Variants in COL18A1 observed in about 807,000 individuals in gnomAD.
COL18A1 encodes collagen type XVIII alpha 1 chain.
A neutral mutation model predicts 168.0 loss-of-function variants in COL18A1; 133 were observed. The ratio of observed to expected loss-of-function variants is 0.79; its 90% CI spans 0.69 to 0.91. COL18A1 has a LOEUF of 0.91. COL18A1 is among the 40% of genes least tolerant of loss of function. The pLI is 0.00. For missense variants in COL18A1, 2,126 were observed against 1,925.4 expected, an observed-to-expected ratio of 1.10 and a Z score of -1.95; for synonymous variants, 949 against 809.0, an observed-to-expected ratio of 1.17 and a Z score of -2.94.
At chr21:45,464,660 G>C (rs2035143528) in intron 2 of COL18A1, among the ~76,000 whole-genome samples, 1 of 152,194 alleles carries the variant, frequency 6.6e-6, no homozygotes, top group Non-Finnish European at 1.5e-5. Flanking sequence ...CTCTGGAGGA[G>C]AATCTGTTTT....
intron 2 of COL18A1, among the ~76,000 whole-genome samples, chr21:45,458,594 T>C (rs1911460479): frequency 6.6e-6 from 1 of 152,158 alleles, no homozygotes; most frequent in South Asian, 2.1e-4. Context: ...ACCTGGCTAC[T>C]GTTCCCCACC....
rs2035088703 is a variant in COL18A1 at position 45,462,834 on chromosome 21, G to A, written c.107-5408G>A. On this transcript the variant is annotated intron_variant, in intron 2 of 41. Coordinates refer to ENST00000651438, the MANE Select transcript of COL18A1 (RefSeq NM_001379500.1). ...GTGCCTTGTGATTTTGTGTTAAAAA[G>A]TGAACATTTGAACTCAGTAATGTGG... Among the ~76,000 whole-genome samples the A allele has an allele frequency of 2.6e-5, 4 of 152,248 alleles. No homozygotes were observed. In the South Asian group the frequency reaches 8.3e-4, roughly 32 times the overall value.
rs2236451 is a variant in COL18A1, at chr21:45,456,169, A to G, written c.107-12073A>G. The stretch of plus-strand genomic sequence containing the variant: ...TCACGGGGCCCTCAGTGCCACCACC[A>G]TCTTCAGGTAGAGCTTCTCTCTCCT... On this transcript the variant is annotated intron_variant, in intron 2 of 41. Transcript: ENST00000651438. The G allele has an allele frequency of 0.34, 538,331 of 1,590,346 alleles. 93,578 individuals carry two copies. Among genetic ancestry groups the G allele is most frequent in the African/African-American group, 0.54 (40,092 of 74,502 alleles).
chr21:45,464,403 G>A (rs960201640), intron 2 of COL18A1, among the ~76,000 whole-genome samples: 2 of 152,230 alleles, frequency 1.3e-5, no homozygotes, highest in Non-Finnish European at 2.9e-5. Flanking sequence ...GTGGAACAGA[G>A]CTCCTGAGTC....
intron 15 of COL18A1, among the ~76,000 whole-genome samples, chr21:45,486,654 T>C (rs1381904142): frequency 1.3e-5 from 2 of 152,228 alleles, no homozygotes; most frequent in African/African-American, 4.8e-5. Flanking sequence ...TCCGTGGCTC[T>C]CTCCTCAGTT....
Position 45,457,861 on chromosome 21 carries a change from T to TG in COL18A1, c.107-10376dup, listed in dbSNP as rs888750925. Among the ~76,000 whole-genome samples the TG allele has an allele frequency of 2.6e-5, 4 of 151,564 alleles. No individual in the cohort carries two copies. Among genetic ancestry groups the TG allele is most frequent in the African/African-American group, 9.7e-5 (4 of 41,200 alleles). On this transcript the variant is annotated intron_variant, in intron 2 of 41. Coordinates refer to ENST00000651438, the MANE Select transcript of COL18A1 (RefSeq NM_001379500.1). The surrounding 1 kb of genome is among the most constrained non-coding windows in gnomAD (Gnocchi z 4.6). The stretch of plus-strand genomic sequence containing the variant: ...TTAGCAGCTGTGCCGGACCTGGAGG[T>TG]GGGGGTGCCTGCAGTGGAAATTCTG...
At chr21:45,495,003 G>A (rs984765328) in intron 28 of COL18A1, 88 bp downstream of exon 28, 3 of 1,216,108 alleles carry the variant, frequency 2.5e-6, no homozygotes, top group Non-Finnish European at 3.6e-6. Flanking sequence ...CATGCCCAGA[G>A]GGGAGTGGAC....
chr21:45,470,481 G>GT (rs1260989970), intron 3 of COL18A1, among the ~76,000 whole-genome samples: 2,161 of 77,636 alleles, frequency 0.028, 39 homozygotes, highest in South Asian at 0.091. Context: ...TTTTTTGTGG[G>GT]TTTTTTTTTT....
intron 2 of COL18A1, among the ~76,000 whole-genome samples, chr21:45,413,705 C>T (rs2033364306): frequency 6.6e-6 from 1 of 152,212 alleles, no homozygotes; most frequent in African/African-American, 2.4e-5. Context: ...GTCCCTCTGC[C>T]AGCCCTGCAC....
intron 2 of COL18A1, chr21:45,456,359 G>A (rs2145854015): frequency 6.5e-7 from 1 of 1,550,018 alleles, no homozygotes; most frequent in Non-Finnish European, 8.7e-7. Flanking sequence ...CAAGCACGCG[G>A]CCCCCTCCGC....
chr21:45,480,048 T>G (rs770345581), intron 10 of COL18A1, 22 bp from the exon 11 acceptor site: 2 of 1,611,154 alleles, frequency 1.2e-6, no homozygotes, highest in Non-Finnish European at 8.5e-7. Context: ...CAGGGTATGA[T>G]AGGCTTGTCT....
chr21:45,472,020 G>A (rs1037788809), intron 3 of COL18A1, among the ~76,000 whole-genome samples: 3 of 152,116 alleles, frequency 2.0e-5, no homozygotes, highest in South Asian at 4.1e-4. Flanking sequence ...CTGTAGCCCC[G>A]TGCAGGAGGC....
chr21:45,477,292 T>C (rs1300574538), intron 6 of COL18A1, 119 bp from the exon 7 acceptor site: 9 of 753,998 alleles, frequency 1.2e-5, no homozygotes, highest in Non-Finnish European at 2.1e-5. Flanking sequence ...GATCTGACAG[T>C]GTCCAGCCGG....
At chr21:45,470,677 G>A (rs567065365) in intron 3 of COL18A1, among the ~76,000 whole-genome samples, 52 of 151,918 alleles carry the variant, frequency 3.4e-4, no homozygotes, top group African/African-American at 1.2e-3. Context: ...AGTAGAGACG[G>A]GGTTTCACCA....
intron 32 of COL18A1, among the ~76,000 whole-genome samples, chr21:45,501,960 C>CAA (rs2036882363): frequency 1.5e-5 from 1 of 66,416 alleles, no homozygotes; most frequent in Non-Finnish European, 2.9e-5. Context: ...GGGGCCTCCG[C>CAA]AGCCGGTCAC....
intron 2 of COL18A1, among the ~76,000 whole-genome samples, chr21:45,452,411 T>C (rs1325000193): frequency 6.6e-6 from 1 of 152,142 alleles, no homozygotes; most frequent in Admixed American, 6.5e-5. Context: ...GTGACGTGTG[T>C]GTATATATGT....
At position 45,510,199 on chromosome 21, in the gene COL18A1, C is replaced by T; in HGVS notation, c.3631C>T (p.Gln1211Ter). The part of the protein sequence containing the change: ...TFRAFLSSRL[Q>*]DLYSIVRRAD... ...CCGCGCCTTCCTGTCCTCGCGCCTG[C>T]AGGACCTGTACAGCATCGTGCGCCG... The change falls in exon 40 of 42, where the codon CAG (glutamine) becomes TAG (stop). Residue 1211 changes from glutamine to a stop codon, truncating the protein, a stop_gained. Transcript: ENST00000651438. LOFTEE classifies it high-confidence loss of function. 6.2e-7 allele frequency: 1 copy of T among 1,602,148 alleles called. No individual in the cohort carries two copies. Among genetic ancestry groups the T allele is most frequent in the Non-Finnish European group, 8.5e-7 (1 of 1,175,218 alleles).
chr21:45,489,417 C>A (rs759724370), intron 18 of COL18A1, 69 bp from the exon 19 acceptor site: 4 of 1,187,166 alleles, frequency 3.4e-6, no homozygotes, highest in Admixed American at 2.0e-5. Context: ...TCCCTTCACC[C>A]GGGGTGGACG....
intron 2 of COL18A1, among the ~76,000 whole-genome samples, chr21:45,453,984 A>G (rs560933240): frequency 1.3e-5 from 2 of 152,232 alleles, no homozygotes; most frequent in East Asian, 3.9e-4. Flanking sequence ...GCGCTGGTGG[A>G]GGAGGGGGCA....
Sources: allele counts gnomAD v4.1 joint callset (sites outside exome capture counted in the v4.1 genomes callset), GRCh38; gene constraint gnomAD v4.1.1; non-coding constraint Gnocchi (gnomAD v3.1); transcripts MANE v1.5; gene names NCBI Gene and HGNC (gene_info 2026-07-23, HGNC 2026-07-21).